ZZEF1: variants seen among roughly 807,000 people sequenced by gnomAD.
ZZEF1 encodes the protein zinc finger ZZ-type and EF-hand domain containing 1, also known as zinc finger ZZ-type and EF-hand domain-containing protein 1.
ZZEF1 carries 157 observed loss-of-function variants against 342.8 expected under a neutral mutation model. The observed-to-expected ratio is 0.46, with a 90% CI of 0.40 to 0.52. The LOEUF (loss-of-function observed/expected upper bound fraction) is 0.52. ZZEF1 is among the 20% of genes least tolerant of loss of function. The probability of loss-of-function intolerance (pLI) is 0.00; values close to 1 mark genes in which losing one functional copy is unlikely to be tolerated. For missense variants in ZZEF1, 3,480 were observed against 3,725.6 expected (o/e 0.93, Z 1.72); for synonymous variants, 1,505 against 1,429.1 (o/e 1.05, Z -1.20).
chr17:4,019,691 A>T lies in ZZEF1; in HGVS notation c.7483T>A (p.Phe2495Ile). 6.2e-7 allele frequency: 1 copy of T among 1,613,264 alleles called. No individual in the cohort carries two copies. Among genetic ancestry groups the T allele is most frequent in the Non-Finnish European group, 8.5e-7 (1 of 1,179,814 alleles). The stretch of plus-strand genomic sequence containing the variant: ...TACCTCTTCTGAACCTCCAGGAAGA[A>T]ATAATCGGTCTTTTTCATCTGCAGT... ...YELQMKKTDY[F>I]FLEVQKRFDG... is the part of the protein sequence containing the mutation. Residue 2495 changes from phenylalanine to isoleucine, a missense_variant, in exon 46 of 55, where the codon TTC becomes ATC. Phe to Ile is a conservative substitution (Grantham distance 21). Around this residue, in one of 5 missense-constraint regions of ZZEF1, gnomAD observed 1,269 missense variants for 1,342.4 expected, o/e 0.95. Transcript: ENST00000381638.
At chr17:4,139,305 CG>C (rs1292489661) in intron 1 of ZZEF1, among the ~76,000 whole-genome samples, 10 of 150,578 alleles carry the variant, frequency 6.6e-5, no homozygotes, top group African/African-American at 2.2e-4. Flanking sequence ...CCAATGGCAG[CG>C]TAAGTTGGGA....
chr17:4,017,976 A>T lies in ZZEF1; in HGVS notation c.7506-5T>A, dbSNP rs374170377. 6.8e-6 allele frequency: 11 copies of T among 1,612,718 alleles called. No homozygotes were observed. The highest frequency in any genetic ancestry group is 9.3e-6 in the Non-Finnish European group (11 of 1,179,960). On this transcript the variant is annotated splice_polypyrimidine_tract_variant and splice_region_variant and intron_variant, in intron 46 of 54. Coordinates refer to ENST00000381638, the MANE Select transcript of ZZEF1 (RefSeq NM_015113.4). This position sits in a 1 kb window ranked among gnomAD's most constrained non-coding sequence, Gnocchi z 5.1. ...GTGAGCTCATCACCATCAAACCTGCAGAAGGGCAGCACAAAGTTGAGTACC... is the reference window on the plus strand; with the variant it reads ...GTGAGCTCATCACCATCAAACCTGCTGAAGGGCAGCACAAAGTTGAGTACC...
Position 4,110,829 on chromosome 17 carries a change from C to T in ZZEF1, c.1067-966G>A, listed in dbSNP as rs139273152. ...TCCTGGGTTCAAGTGATTCTCCTGC[C>T]TCAGCCTCCCAAGTAGCTGGGATTA... On this transcript the variant is annotated intron_variant, in intron 5 of 54. Transcript: ENST00000381638. Among the ~76,000 whole-genome samples the T allele has an allele frequency of 2.0e-4, 31 of 151,932 alleles. 1 individual carries two copies. In the East Asian group the frequency reaches 5.8e-3, roughly 29 times the overall value.
intron 54 of ZZEF1, among the ~76,000 whole-genome samples, chr17:4,007,863 C>T (rs1390072783): frequency 5.3e-5 from 8 of 152,024 alleles, no homozygotes; most frequent in Admixed American, 5.2e-4. Context: ...AGGGACAGAG[C>T]GCCGCGCTCA....
At position 4,017,653 on chromosome 17, in the gene ZZEF1, GCT is replaced by G; in HGVS notation, c.7717_7718del (p.Ser2573ArgfsTer12). ...VTQKLISSTE[S>X]ELQQSYAKQR... ...GCTTGGCATAGCTCTGCTGCAGTTCGCTCTCTGTGCTGGAGATCAGCTTCTGG... is the reference window on the plus strand; with the variant it reads ...GCTTGGCATAGCTCTGCTGCAGTTCGCTCTGTGCTGGAGATCAGCTTCTGG... On this transcript the variant is annotated frameshift_variant, in exon 48 of 55. Coordinates refer to ENST00000381638, the MANE Select transcript of ZZEF1 (RefSeq NM_015113.4). LOFTEE classifies it high-confidence loss of function. The surrounding 1 kb of genome is among the most constrained non-coding windows in gnomAD (Gnocchi z 5.1). The G allele has an allele frequency of 6.2e-7, 1 of 1,614,026 alleles. No homozygotes were observed. The highest frequency in any genetic ancestry group is 8.5e-7 in the Non-Finnish European group (1 of 1,180,036).
chr17:4,123,858 T>A, intron 2 of ZZEF1, 49 bp downstream of exon 2: 1 of 1,594,304 alleles, frequency 6.3e-7, no homozygotes, highest in Non-Finnish European at 8.5e-7. Context: ...ATCAGTAGTA[T>A]AGCAAAGTTC....
rs757582168 is a variant in ZZEF1 at position 4,016,297 on chromosome 17, A to C, written c.8145+26T>G. 6.2e-7 allele frequency: 1 copy of C among 1,601,722 alleles called. No individual in the cohort carries two copies. Among genetic ancestry groups the C allele is most frequent in the Admixed American group, 1.8e-5 (1 of 56,614 alleles). Reference sequence around the variant, plus strand: ...AGGTCTCTGCGGCTCAGTCGCTCTTATGGGGCCTGCCGGCCCCAGGCTTAC... The same window carrying C: ...AGGTCTCTGCGGCTCAGTCGCTCTTCTGGGGCCTGCCGGCCCCAGGCTTAC... On this transcript the variant is annotated intron_variant, in intron 49 of 54. Transcript: ENST00000381638. This position sits in a 1 kb window ranked among gnomAD's most constrained non-coding sequence, Gnocchi z 4.4.
intron 18 of ZZEF1, among the ~76,000 whole-genome samples, chr17:4,080,426 G>C (rs968472382): frequency 6.6e-6 from 1 of 151,964 alleles, no homozygotes; most frequent in African/African-American, 2.4e-5. Flanking sequence ...TACAACCTCC[G>C]CCTCCCAGGT....
At chr17:4,006,993 C>T (rs768294712) in intron 54 of ZZEF1, 23 bp from the exon 55 acceptor site, 96 of 1,558,364 alleles carry the variant, frequency 6.2e-5, no homozygotes, top group Non-Finnish European at 7.3e-5. Flanking sequence ...AAAGAGTTGT[C>T]GCCAATGTCG....
At position 4,105,695 on chromosome 17, in the gene ZZEF1, A is replaced by G. The variant is rs762742806; in HGVS notation, c.1392T>C (p.Thr464=). ...EEVDSFLIRI[T]SCCSTPEVEL... is the part of the protein sequence containing the mutation. ...ACCCTCATCAGCCTTGATTTTACCT[A>G]GTTATCCTTATGAGGAAACTGTCCA... The change falls in exon 7 of 55, where the codon ACT becomes ACC. Residue 464 remains threonine, a splice_region_variant and synonymous_variant. Transcript: ENST00000381638. The G allele has an allele frequency of 4.3e-6, 7 of 1,609,448 alleles. No individual in the cohort carries two copies. The Admixed American group carries it at 6.7e-5, about 15-fold the overall frequency.
chr17:4,112,032 AAATATATATATATATATATATATAT>A (rs2058312192), intron 5 of ZZEF1, among the ~76,000 whole-genome samples: 1 of 48,124 alleles, frequency 2.1e-5, no homozygotes, highest in Non-Finnish European at 4.0e-5. Flanking sequence ...GATCCTGTCT[AAATATATATATATATATATATATAT>A]ATATATATAT....
intron 54 of ZZEF1, 79 bp from the exon 55 acceptor site, chr17:4,007,049 A>G: frequency 3.1e-6 from 4 of 1,297,642 alleles, no homozygotes; most frequent in Non-Finnish European, 4.2e-6. Context: ...CCCTCAGCTG[A>G]GCACTGAGGA....
intron 6 of ZZEF1, among the ~76,000 whole-genome samples, chr17:4,106,948 C>T (rs889195313): frequency 2.0e-5 from 3 of 152,288 alleles, no homozygotes; most frequent in Non-Finnish European, 2.9e-5. Context: ...ACTGTCAGCT[C>T]GCACTCTGCC....
At chr17:4,104,964 A>C (rs764267416) in intron 7 of ZZEF1, among the ~76,000 whole-genome samples, 153 bp from the exon 8 acceptor site, 21 of 152,232 alleles carry the variant, frequency 1.4e-4, no homozygotes, top group Non-Finnish European at 2.8e-4. Context: ...CCTTAAGGTA[A>C]CCTAAGGAAA....
In ZZEF1 at chr17:4,036,347, C is replaced by T. The variant is rs185147469; in HGVS notation, c.6307-2055G>A. Among the ~76,000 whole-genome samples the T allele has an allele frequency of 9.9e-5, 15 of 152,240 alleles. No homozygotes were observed. In the East Asian group the frequency reaches 1.7e-3, roughly 18 times the overall value. ...CCAGCAATTCCTATAGTGTAGACTC[C>T]GCTAGAATTCCAGGAGCATTCCCTG... On this transcript the variant is annotated intron_variant, in intron 39 of 54. Transcript: ENST00000381638.
chr17:4,125,597 A>G (rs1278282133), intron 1 of ZZEF1, among the ~76,000 whole-genome samples: 1 of 152,240 alleles, frequency 6.6e-6, no homozygotes, highest in African/African-American at 2.4e-5. Flanking sequence ...CAAAGACTTC[A>G]CTAATCAAGG....
intron 4 of ZZEF1, among the ~76,000 whole-genome samples, chr17:4,113,681 G>A (rs1320028256): frequency 6.8e-6 from 1 of 147,052 alleles, no homozygotes; most frequent in African/African-American, 2.5e-5. Flanking sequence ...AAAAAAAGAA[G>A]TATAGAAAGG....
rs553168973 is a variant in ZZEF1, at chr17:4,069,376, C to T, written c.4075+1308G>A. On this transcript the variant is annotated intron_variant, in intron 26 of 54. Transcript: ENST00000381638. Reference sequence around the variant, plus strand: ...CCATATGACATTTGTTTCCATAAATCACTCATGTCTCAACACAGTTTTGTT... The same window carrying T: ...CCATATGACATTTGTTTCCATAAATTACTCATGTCTCAACACAGTTTTGTT... Among the ~76,000 whole-genome samples, 52 of 152,240 alleles carry T rather than the reference C, an allele frequency of 3.4e-4. 1 individual carries two copies. The highest frequency in any genetic ancestry group is 2.7e-3 in the Admixed American group (42 of 15,288).
intron 2 of ZZEF1, among the ~76,000 whole-genome samples, chr17:4,117,405 G>A (rs1385443173): frequency 1.3e-5 from 2 of 152,264 alleles, no homozygotes. Context: ...CAGCACTTTG[G>A]GAGGCCGAGG....
Sources: allele counts gnomAD v4.1 joint callset (sites outside exome capture counted in the v4.1 genomes callset), GRCh38; gene constraint gnomAD v4.1.1; regional missense constraint gnomAD v4.1.1; non-coding constraint Gnocchi (gnomAD v3.1); transcripts MANE v1.5; gene names NCBI Gene and HGNC (gene_info 2026-07-23, HGNC 2026-07-21).